LDLRAD4: variants seen among roughly 807,000 people sequenced by gnomAD.
LDLRAD4 encodes the protein low-density lipoprotein receptor class A domain-containing protein 4.
Under a neutral mutation model 17.0 loss-of-function variants are expected in LDLRAD4, and 5 were observed. The ratio of observed to expected loss-of-function variants is 0.29; its 90% confidence interval spans 0.15 to 0.62. The LOEUF (loss-of-function observed/expected upper bound fraction) is 0.62, where lower values mean the gene tolerates loss of function less well. LDLRAD4 is among the 20% of genes least tolerant of loss of function. LDLRAD4 has a pLI of 0.84. For synonymous variants in LDLRAD4, 168 were observed against 171.8 expected, an observed-to-expected ratio of 0.98 and a Z score of 0.17; for missense variants, 340 against 424.7, an observed-to-expected ratio of 0.80 and a Z score of 1.75.
chr18:13,292,114 C>T (rs2045996522), intron 1 of LDLRAD4, among the ~76,000 whole-genome samples: 1 of 152,178 alleles, frequency 6.6e-6, no homozygotes, highest in East Asian at 1.9e-4. Flanking sequence ...AGTTCCCTGG[C>T]CTCTAGGAGC....
At chr18:13,243,828 C>T (rs1025199362) in intron 1 of LDLRAD4, among the ~76,000 whole-genome samples, 1 of 151,162 alleles carries the variant, frequency 6.6e-6, no homozygotes, top group Non-Finnish European at 1.5e-5. Context: ...ACCCATCCAC[C>T]CATCCATCTA....
chr18:13,404,423 C>T (rs1049390371), intron 2 of LDLRAD4, among the ~76,000 whole-genome samples: 4 of 152,374 alleles, frequency 2.6e-5, no homozygotes, highest in Non-Finnish European at 4.4e-5. Context: ...AGCTGTGGGA[C>T]GCTGTCCCAC....
intron 2 of LDLRAD4, among the ~76,000 whole-genome samples, chr18:13,413,336 C>T (rs1321931516): frequency 6.6e-6 from 1 of 152,198 alleles, no homozygotes; most frequent in African/African-American, 2.4e-5. Context: ...GTCAACTGTT[C>T]GTAAATTCCG....
chr18:13,629,659 T>G (rs2041489582), intron 4 of LDLRAD4, among the ~76,000 whole-genome samples: 1 of 152,216 alleles, frequency 6.6e-6, no homozygotes, highest in Non-Finnish European at 1.5e-5. Context: ...ATGAACATTT[T>G]TATCAACAAA....
chr18:13,441,958 G>A (rs769401720), intron 3 of LDLRAD4, among the ~76,000 whole-genome samples: 1 of 152,196 alleles, frequency 6.6e-6, no homozygotes, highest in Non-Finnish European at 1.5e-5. Flanking sequence ...CCTGGGGAAT[G>A]AGTTTTCCTG....
At chr18:13,238,450 C>T (rs752442522) in intron 1 of LDLRAD4, among the ~76,000 whole-genome samples, 16 of 152,190 alleles carry the variant, frequency 1.1e-4, no homozygotes, top group Non-Finnish European at 1.9e-4. Context: ...GCACCTGATG[C>T]CTTCTTTATT....
intron 3 of LDLRAD4, among the ~76,000 whole-genome samples, chr18:13,592,875 A>G (rs1323697972): frequency 6.6e-6 from 1 of 152,266 alleles, no homozygotes; most frequent in Non-Finnish European, 1.5e-5. Context: ...GGAGCAATTC[A>G]GTTTCAAGCA....
chr18:13,239,063 T>C (rs1162836685), intron 1 of LDLRAD4, among the ~76,000 whole-genome samples: 1 of 151,868 alleles, frequency 6.6e-6, no homozygotes, highest in Non-Finnish European at 1.5e-5. Context: ...GGCGCACACC[T>C]GTAATCCCAG....
chr18:13,224,422 A>G (rs2041637988), intron 1 of LDLRAD4, among the ~76,000 whole-genome samples: 1 of 145,082 alleles, frequency 6.9e-6, no homozygotes, highest in Non-Finnish European at 1.5e-5. Context: ...CTTCACTCGG[A>G]GGGATCCAGT....
chr18:13,516,735 G>A (rs756773600), intron 3 of LDLRAD4, among the ~76,000 whole-genome samples: 95 of 152,218 alleles, frequency 6.2e-4, no homozygotes, highest in Non-Finnish European at 1.1e-3. Flanking sequence ...GGATAATGGC[G>A]ATTCATTTGG....
intron 1 of LDLRAD4, among the ~76,000 whole-genome samples, chr18:13,321,703 T>C (rs2081228940): frequency 1.3e-5 from 2 of 151,442 alleles, no homozygotes; most frequent in Non-Finnish European, 1.5e-5. Flanking sequence ...CTACTAAAAA[T>C]GCAAAAATTA....
intron 3 of LDLRAD4, among the ~76,000 whole-genome samples, chr18:13,570,053 T>G (rs2094664741): frequency 6.6e-6 from 1 of 152,218 alleles, no homozygotes; most frequent in Non-Finnish European, 1.5e-5. Context: ...GGGTTGTATT[T>G]TATTTTGCAG....
chr18:13,290,687 T>G (rs2045916365), intron 1 of LDLRAD4, among the ~76,000 whole-genome samples: 1 of 152,238 alleles, frequency 6.6e-6, no homozygotes, highest in Non-Finnish European at 1.5e-5. Flanking sequence ...ACTCCTGATT[T>G]GTGGATTTAG....
At chr18:13,455,343 A>G (rs1382389225) in intron 3 of LDLRAD4, among the ~76,000 whole-genome samples, 3 of 152,258 alleles carry the variant, frequency 2.0e-5, no homozygotes, top group Admixed American at 6.5e-5. Flanking sequence ...AATGTTGACA[A>G]AACGTGATGG....
At chr18:13,298,545 T>TG (rs2046403872) in intron 1 of LDLRAD4, among the ~76,000 whole-genome samples, 1 of 145,372 alleles carries the variant, frequency 6.9e-6, no homozygotes, top group Non-Finnish European at 1.5e-5. Context: ...GGCATGGTGA[T>TG]GGAGCTGCTC....
intron 1 of LDLRAD4, among the ~76,000 whole-genome samples, chr18:13,263,789 G>A (rs184482625): frequency 6.8e-4 from 103 of 152,306 alleles, no homozygotes; most frequent in Non-Finnish European, 1.1e-3. Context: ...TTAAAGTGAG[G>A]GAGTCGAGCT....
chr18:13,587,445 C>G (rs913356416), intron 3 of LDLRAD4, among the ~76,000 whole-genome samples: 3 of 152,162 alleles, frequency 2.0e-5, no homozygotes, highest in African/African-American at 7.2e-5. Context: ...GTCAGATTCC[C>G]TCACAGAAAG....
At chr18:13,546,331 G>A (rs1437020084) in intron 3 of LDLRAD4, among the ~76,000 whole-genome samples, 1 of 152,090 alleles carries the variant, frequency 6.6e-6, no homozygotes, top group South Asian at 2.1e-4. Flanking sequence ...TAACTGAAGT[G>A]GCTCAACAAT....
chr18:13,642,760 G>A, intron 4 of LDLRAD4: 1 of 1,230,330 alleles, frequency 8.1e-7, no homozygotes, highest in Non-Finnish European at 1.0e-6. Flanking sequence ...GCACACAGGT[G>A]TAGAGAGTGA....
Sources: allele counts gnomAD v4.1 joint callset (sites outside exome capture counted in the v4.1 genomes callset), GRCh38; gene constraint gnomAD v4.1.1; transcripts MANE v1.5; gene names NCBI Gene and HGNC (gene_info 2026-07-23, HGNC 2026-07-21).